ADRA1B: variants seen among roughly 807,000 people sequenced by gnomAD.
ADRA1B encodes adrenoceptor alpha 1B.
Under a neutral mutation model 17.9 loss-of-function variants are expected in ADRA1B, and 17 were observed. The observed-to-expected ratio is 0.95, with a 90% CI of 0.65 to 1.42. The LOEUF (loss-of-function observed/expected upper bound fraction) is 1.42. Among genes scored for constraint, ADRA1B ranks in the 40% most tolerant of loss-of-function variants. The pLI, the probability that ADRA1B is intolerant of heterozygous loss-of-function variation, is 0.00. For missense variants in ADRA1B, 681 were observed against 722.1 expected (o/e 0.94, Z 0.65); for synonymous variants, 366 against 327.6 (o/e 1.12, Z -1.27).
At chr5:159,943,673 C>T (rs1200348833) in intron 1 of ADRA1B, among the ~76,000 whole-genome samples, 1 of 152,072 alleles carries the variant, frequency 6.6e-6, no homozygotes, top group Non-Finnish European at 1.5e-5. Flanking sequence ...GTGTGACCTA[C>T]TTAGGGGATT....
intron 1 of ADRA1B, among the ~76,000 whole-genome samples, chr5:159,968,866 C>T (rs988318058): frequency 6.6e-6 from 1 of 152,184 alleles, no homozygotes; most frequent in Non-Finnish European, 1.5e-5. Flanking sequence ...AGACTTGAAC[C>T]ACCATGTCTG....
intron 1 of ADRA1B, among the ~76,000 whole-genome samples, chr5:159,919,326 C>T (rs534964730): frequency 2.0e-5 from 3 of 152,236 alleles, no homozygotes; most frequent in Admixed American, 6.5e-5. Context: ...CAGGCTTGTT[C>T]GGTTTACAGT....
intron 1 of ADRA1B, chr5:159,948,672 T>A (rs978344252): frequency 6.0e-6 from 1 of 167,838 alleles, no homozygotes; most frequent in Non-Finnish European, 1.2e-5. Flanking sequence ...CTTTGTCTCT[T>A]GACGTATTAT....
At chr5:159,933,447 T>C (rs937734452) in intron 1 of ADRA1B, among the ~76,000 whole-genome samples, 2 of 152,330 alleles carry the variant, frequency 1.3e-5, no homozygotes, top group South Asian at 2.1e-4. Context: ...GTTTCAACAT[T>C]GATGAAGAAG....
At chr5:159,889,365 A>G (rs1206993530) in intron 1 of ADRA1B, among the ~76,000 whole-genome samples, 1 of 152,170 alleles carries the variant, frequency 6.6e-6, no homozygotes, top group Non-Finnish European at 1.5e-5. Flanking sequence ...TGATATACCC[A>G]TATAGCAACA....
At chr5:159,988,966 G>A in the ADRA1B span, among the ~76,000 whole-genome samples, 1 of 152,228 alleles carries the variant, frequency 6.6e-6, no homozygotes, top group Non-Finnish European at 1.5e-5. Context: ...ATGCTGCTAT[G>A]AGGATGGGCA....
At chr5:159,953,338 A>G (rs909649457) in intron 1 of ADRA1B, among the ~76,000 whole-genome samples, 2 of 152,218 alleles carry the variant, frequency 1.3e-5, no homozygotes, top group African/African-American at 4.8e-5. Context: ...AGCCTGGGCA[A>G]CAGAATAAGA....
At chr5:159,970,722 C>A (rs1256440604) in intron 1 of ADRA1B, among the ~76,000 whole-genome samples, 3 of 152,178 alleles carry the variant, frequency 2.0e-5, no homozygotes, top group Admixed American at 2.0e-4. Flanking sequence ...GTCCCCACAC[C>A]CCACACCCCT....
downstream of ADRA1B, among the ~76,000 whole-genome samples, chr5:159,976,479 C>G (rs78692023): frequency 2.0e-5 from 3 of 151,896 alleles, no homozygotes; most frequent in East Asian, 1.9e-4. Context: ...AACAGCCTGG[C>G]CTACATGTGA....
intron 1 of ADRA1B, among the ~76,000 whole-genome samples, chr5:159,899,783 A>G (rs1444967643): frequency 6.6e-6 from 1 of 152,208 alleles, no homozygotes; most frequent in African/African-American, 2.4e-5. Flanking sequence ...TCGGAAGTAA[A>G]GAGTCCTTGG....
intron 1 of ADRA1B, among the ~76,000 whole-genome samples, chr5:159,962,837 ATTTTTTTTTTTTT>A (rs756263225): frequency 2.3e-5 from 1 of 43,018 alleles, no homozygotes; most frequent in African/African-American, 9.2e-5. Flanking sequence ...ACACCTGGCT[ATTTTTTTTTTTTT>A]TTTTTTTTTT....
At position 159,882,860 on chromosome 5, in the gene ADRA1B, A is replaced by G. The variant is rs78619337; in HGVS notation, c.-256+17654A>G. On this transcript the variant is annotated intron_variant, in intron 1 of 2. Transcript: ENST00000641205. Reference sequence around the variant, plus strand: ...AATCAACAGAACTCAACTCTAACCAAAGAGAGAGAGAGGGAGAGAGAGAGA... The same window carrying G: ...AATCAACAGAACTCAACTCTAACCAGAGAGAGAGAGAGGGAGAGAGAGAGA... Among the ~76,000 whole-genome samples, 667 of 152,072 alleles carry G rather than the reference A, an allele frequency of 4.4e-3. 18 individuals are homozygous for G. The East Asian group carries it at 0.065, about 15-fold the overall frequency.
At chr5:159,971,855 T>TGGGGGGGGG in intron 1 of ADRA1B, 24 bp from the exon 2 acceptor site, 3 of 435,058 alleles carry the variant, frequency 6.9e-6, no homozygotes, top group Non-Finnish European at 3.6e-6. Flanking sequence ...TTTCTGCCCG[T>TGGGGGGGGG]GCCCACCCCC....
At chr5:159,955,553 C>T (rs891382892) in intron 1 of ADRA1B, among the ~76,000 whole-genome samples, 8 of 152,164 alleles carry the variant, frequency 5.3e-5, no homozygotes, top group African/African-American at 1.7e-4. Context: ...TCCCTGTTCT[C>T]TTGTAGAGCC....
intron 1 of ADRA1B, among the ~76,000 whole-genome samples, chr5:159,883,757 T>C (rs1215764465): frequency 1.3e-5 from 2 of 152,198 alleles, no homozygotes; most frequent in African/African-American, 2.4e-5. Flanking sequence ...GTGATGAACA[T>C]CTTACTCAAT....
chr5:159,919,463 G>T (rs1754417535), intron 1 of ADRA1B, among the ~76,000 whole-genome samples: 1 of 152,222 alleles, frequency 6.6e-6, no homozygotes, highest in Non-Finnish European at 1.5e-5. Flanking sequence ...ATGAGCCTCA[G>T]TTTCTTCGTC....
upstream of ADRA1B, among the ~76,000 whole-genome samples, chr5:159,912,122 C>T (rs1348537233): frequency 1.3e-5 from 2 of 152,200 alleles, no homozygotes; most frequent in African/African-American, 2.4e-5. Context: ...GATAGTATTA[C>T]TATTACTCTG....
intron 1 of ADRA1B, among the ~76,000 whole-genome samples, chr5:159,889,049 C>T (rs1753955260): frequency 6.6e-6 from 1 of 152,126 alleles, no homozygotes; most frequent in Non-Finnish European, 1.5e-5. Context: ...TACAGTCACA[C>T]CCAAAGATCA....
intron 1 of ADRA1B, among the ~76,000 whole-genome samples, chr5:159,939,322 T>TGTGTGTGCGCGC (rs1554090928): frequency 7.4e-5 from 8 of 107,664 alleles, no homozygotes; most frequent in African/African-American, 2.8e-4. Flanking sequence ...TGTGTGTGTG[T>TGTGTGTGCGCGC]GCGCGCGCGC....
Sources: gnomAD v4.1 joint callset for allele counts (sites outside exome capture counted in the v4.1 genomes callset) on GRCh38, gnomAD v4.1.1 for gene constraint, MANE v1.5 for transcripts, NCBI Gene and HGNC (gene_info 2026-07-23, HGNC 2026-07-21) for gene names.